DPP4: variants seen among roughly 807,000 people sequenced by gnomAD.
DPP4 encodes dipeptidyl peptidase 4.
DPP4 carries 93 observed loss-of-function variants against 122.4 expected under a neutral mutation model. The observed-to-expected ratio is 0.76, with a 90% confidence interval of 0.64 to 0.90. The LOEUF is 0.90. Ranked by LOEUF, DPP4 falls within the 40% of genes least tolerant of loss-of-function variation. DPP4 has a pLI of 0.00. For missense variants in DPP4, 914 were observed against 907.3 expected (o/e 1.01, Z -0.09); for synonymous variants, 321 against 302.9 (o/e 1.06, Z -0.62).
At chr2:162,043,988 A>C (rs1222247366) in intron 5 of DPP4, among the ~76,000 whole-genome samples, 1 of 152,146 alleles carries the variant, frequency 6.6e-6, no homozygotes, top group Admixed American at 6.6e-5. Flanking sequence ...TGATCATACC[A>C]CTGCACTCTA....
At chr2:162,015,932 A>G (rs908419520) in intron 18 of DPP4, among the ~76,000 whole-genome samples, 10 of 152,126 alleles carry the variant, frequency 6.6e-5, no homozygotes, top group African/African-American at 2.4e-4. Context: ...AAATCCAGAA[A>G]CCTGGACCTT....
At chr2:162,039,069 T>A in intron 6 of DPP4, 48 bp from the exon 7 acceptor site, 3 of 1,611,962 alleles carry the variant, frequency 1.9e-6, no homozygotes, top group Non-Finnish European at 2.5e-6. Context: ...TAACTCACAT[T>A]GGGGTTTCCT....
Position 162,017,149 on chromosome 2 carries a change from C to G in DPP4, c.1427G>C (p.Gly476Ala). ...KYYQLRCSGP[G>A]LPLYTLHSSV... is the part of the protein sequence containing the mutation. ...GCTGTGTAGAGTATAGAGGGGCAGACCAGGACCTGTTAACACAATGGGGGA... is the reference window on the plus strand; with the variant it reads ...GCTGTGTAGAGTATAGAGGGGCAGAGCAGGACCTGTTAACACAATGGGGGA... Residue 476 changes from glycine (G) to alanine (A), a missense_variant, in exon 17 of 26, where the codon GGT (glycine) becomes GCT (alanine). By Grantham distance (60) the Gly-to-Ala change is moderately conservative. Coordinates refer to ENST00000360534, the MANE Select transcript of DPP4 (RefSeq NM_001935.4). 2 of 1,611,752 alleles carry G rather than the reference C, an allele frequency of 1.2e-6. No individual in the cohort carries two copies. The highest frequency in any genetic ancestry group is 8.5e-7 in the Non-Finnish European group (1 of 1,179,616).
chr2:162,007,410 A>G (rs1701308437), intron 22 of DPP4, among the ~76,000 whole-genome samples: 1 of 152,116 alleles, frequency 6.6e-6, no homozygotes. Context: ...ACATTTAAAA[A>G]ATATTATGCA....
intron 19 of DPP4, among the ~76,000 whole-genome samples, chr2:162,013,946 T>G (rs1325320276): frequency 6.6e-6 from 1 of 152,160 alleles, no homozygotes; most frequent in Non-Finnish European, 1.5e-5. Flanking sequence ...CCTCTATCAC[T>G]TCTCTTCACC....
intron 23 of DPP4, among the ~76,000 whole-genome samples, chr2:161,998,456 A>G (rs2106072217): frequency 6.6e-6 from 1 of 152,208 alleles, no homozygotes; most frequent in South Asian, 2.1e-4. Context: ...TAACACTCAG[A>G]CCTGACCCAA....
At chr2:162,006,502 A>G (rs1701285947) in intron 22 of DPP4, among the ~76,000 whole-genome samples, 1 of 152,106 alleles carries the variant, frequency 6.6e-6, no homozygotes, top group Non-Finnish European at 1.5e-5. Context: ...GTTTTCTCTC[A>G]TTTTGTGGTG....
At position 162,003,334 on chromosome 2, in the gene DPP4, G is replaced by A. The variant is rs540638680; in HGVS notation, c.2052+2411C>T. Among the ~76,000 whole-genome samples the A allele has an allele frequency of 1.4e-3, 216 of 152,246 alleles. 1 individual carries two copies. Among genetic ancestry groups the A allele is most frequent in the African/African-American group, 4.8e-3 (199 of 41,552 alleles). On this transcript the variant is annotated intron_variant, in intron 23 of 25. Transcript: ENST00000360534. ...AGAGGGGGAACTCGGTGGGAACGAG[G>A]AGCCTATAGGAAAGACTGGAAATTT...
intron 18 of DPP4, among the ~76,000 whole-genome samples, chr2:162,015,156 AT>A (rs1312779290): frequency 1.3e-5 from 2 of 152,224 alleles, no homozygotes; most frequent in African/African-American, 2.4e-5. Flanking sequence ...TAATAGATCT[AT>A]AAAAAAGTGT....
chr2:162,044,804 C>A (rs1378875226), intron 5 of DPP4, among the ~76,000 whole-genome samples: 1 of 152,016 alleles, frequency 6.6e-6, no homozygotes, highest in Non-Finnish European at 1.5e-5. Flanking sequence ...AAGCTGAGTG[C>A]TCTTGATGGA....
At chr2:162,033,862 GTATATATATA>G (rs138320647) in intron 9 of DPP4, among the ~76,000 whole-genome samples, 48 of 104,034 alleles carry the variant, frequency 4.6e-4, no homozygotes, top group Admixed American at 1.7e-3. Flanking sequence ...CAGAATATGT[GTATATATATA>G]TATATATATA....
chr2:162,002,284 T>G (rs908246321), intron 23 of DPP4, among the ~76,000 whole-genome samples: 13 of 152,236 alleles, frequency 8.5e-5, no homozygotes, highest in African/African-American at 3.1e-4. Flanking sequence ...TTTAACGACA[T>G]GTGCTTCTCT....
At chr2:162,013,190 C>T (rs1448624666) in intron 19 of DPP4, among the ~76,000 whole-genome samples, 2 of 149,560 alleles carry the variant, frequency 1.3e-5, no homozygotes, top group East Asian at 2.0e-4. Context: ...AATAACTGAA[C>T]AGAAATATGT....
chr2:162,039,003 C>T lies in DPP4; in HGVS notation c.438G>A (p.Glu146=), dbSNP rs200288636. The change falls in exon 7 of 26, where the codon GAG becomes GAA. Residue 146 remains glutamate, a synonymous_variant. Transcript: ENST00000360534. ...CCCACTGTGTGTTGTTTGGAATCCTCTCTTCTGTAATCAGCTGCCTGGAAA... is the reference window on the plus strand; with the variant it reads ...CCCACTGTGTGTTGTTTGGAATCCTTTCTTCTGTAATCAGCTGCCTGGAAA... The part of the protein sequence containing the change: ...DLNKRQLITE[E]RIPNNTQWVT... 9 of 1,613,394 alleles carry T rather than the reference C, an allele frequency of 5.6e-6. No homozygotes were observed. Among genetic ancestry groups the T allele is most frequent in the Middle Eastern group, 3.3e-4 (2 of 6,060 alleles).
chr2:162,040,911 T>C (rs1162837898), intron 5 of DPP4, among the ~76,000 whole-genome samples: 2 of 151,642 alleles, frequency 1.3e-5, no homozygotes, highest in African/African-American at 4.8e-5. Flanking sequence ...TTCTGAAAAA[T>C]AAAGTGATAT....
intron 2 of DPP4, among the ~76,000 whole-genome samples, chr2:162,049,694 C>A (rs1373798209): frequency 6.6e-6 from 1 of 151,982 alleles, no homozygotes; most frequent in African/African-American, 2.4e-5. Context: ...GTGGGCCATT[C>A]CCTCAGTTAA....
chr2:162,044,793 A>G (rs73971542), intron 5 of DPP4, among the ~76,000 whole-genome samples: 5,766 of 152,104 alleles, frequency 0.038, 244 homozygotes, highest in African/African-American at 0.097. Context: ...GTAACTGGGG[A>G]AAGCTGAGTG....
intron 2 of DPP4, among the ~76,000 whole-genome samples, chr2:162,056,133 C>A (rs1486565116): frequency 6.6e-6 from 1 of 152,208 alleles, no homozygotes; most frequent in Non-Finnish European, 1.5e-5. Context: ...CCATGGAATT[C>A]TCTACTACTC....
At chr2:162,017,372 C>A (rs1434903961) in intron 16 of DPP4, 2 of 546,168 alleles carry the variant, frequency 3.7e-6, no homozygotes, top group East Asian at 6.0e-5. Flanking sequence ...TGGAAAGGCA[C>A]AGGGCTCAGT....
Sources: allele counts gnomAD v4.1 joint callset (sites outside exome capture counted in the v4.1 genomes callset), GRCh38; gene constraint gnomAD v4.1.1; transcripts MANE v1.5; gene names NCBI Gene and HGNC (gene_info 2026-07-23, HGNC 2026-07-21).